Variants in SYT1 observed in about 807,000 individuals in gnomAD.
SYT1 encodes synaptotagmin-1.
A neutral mutation model predicts 44.8 loss-of-function variants in SYT1; 8 were observed. The ratio of observed to expected loss-of-function variants is 0.18; its 90% CI spans 0.10 to 0.32. SYT1 has a LOEUF of 0.32. Among genes scored for constraint, SYT1 ranks in the 10% least tolerant of loss-of-function variants. SYT1 has a pLI of 1.00. For missense variants in SYT1, 286 were observed against 509.3 expected (o/e 0.56, Z 4.22); for synonymous variants, 154 against 188.8 (o/e 0.82, Z 1.51).
At chr12:79,218,639 T>G (rs988068468) in intron 4 of SYT1, among the ~76,000 whole-genome samples, 1 of 152,194 alleles carries the variant, frequency 6.6e-6, no homozygotes, top group Admixed American at 6.5e-5. Context: ...TTATGTCCTG[T>G]GCCTGGATTA....
chr12:78,899,769 A>G (rs541797662), intron 1 of SYT1, among the ~76,000 whole-genome samples: 1 of 152,012 alleles, frequency 6.6e-6, no homozygotes, highest in Non-Finnish European at 1.5e-5. Context: ...TCTCTAATAC[A>G]CTTAGTTCAA....
At chr12:79,017,781 A>G (rs1288094566) in intron 2 of SYT1, among the ~76,000 whole-genome samples, 1 of 152,130 alleles carries the variant, frequency 6.6e-6, no homozygotes, top group East Asian at 1.9e-4. Flanking sequence ...TTGTACTTTG[A>G]TAAAATGTCT....
At chr12:79,391,056 A>G (rs1884637568) in intron 9 of SYT1, among the ~76,000 whole-genome samples, 1 of 152,160 alleles carries the variant, frequency 6.6e-6, no homozygotes, top group South Asian at 2.1e-4. Flanking sequence ...ACTTTGGGAA[A>G]GCTGCTTAAC....
At chr12:79,305,334 C>T (rs1421915299) in intron 8 of SYT1, among the ~76,000 whole-genome samples, 2 of 152,174 alleles carry the variant, frequency 1.3e-5, no homozygotes, top group Non-Finnish European at 2.9e-5. Flanking sequence ...TGGCTACCTT[C>T]CATTGTTCTC....
At chr12:78,885,232 C>A in intron 1 of SYT1, among the ~76,000 whole-genome samples, 1 of 138,212 alleles carries the variant, frequency 7.2e-6, no homozygotes, top group Non-Finnish European at 1.5e-5. Flanking sequence ...GGAAGGAAGG[C>A]AGGAAGGGAA....
intron 9 of SYT1, among the ~76,000 whole-genome samples, chr12:79,415,165 A>G (rs1051250096): frequency 6.6e-6 from 1 of 152,166 alleles, no homozygotes; most frequent in African/African-American, 2.4e-5. Flanking sequence ...GTAAAAACAG[A>G]CCAGAAGTAT....
chr12:79,366,164 A>G (rs73152064), intron 9 of SYT1, among the ~76,000 whole-genome samples: 10,166 of 152,328 alleles, frequency 0.067, 466 homozygotes, highest in Non-Finnish European at 0.094. Context: ...ATTGCAAATG[A>G]AACTAGCCTA....
At chr12:78,873,741 T>A (rs1022974299) in intron 1 of SYT1, among the ~76,000 whole-genome samples, 3 of 151,700 alleles carry the variant, frequency 2.0e-5, no homozygotes, top group African/African-American at 7.2e-5. Flanking sequence ...AGTTGTTGAA[T>A]CTATTGATAC....
intron 1 of SYT1, among the ~76,000 whole-genome samples, chr12:78,963,796 T>C (rs1879635927): frequency 6.6e-6 from 1 of 152,148 alleles, no homozygotes; most frequent in Admixed American, 6.5e-5. Flanking sequence ...AGTGCTATTA[T>C]ATGATTCAGT....
rs141555413 is a variant in SYT1, at chr12:79,034,585, C to G, written c.-83-12712C>G. ...TGTAAATAGAGATAATTAACGCCTA[C>G]TGAACAATTTCCTTGTGAAGCTGAA... On this transcript the variant is annotated intron_variant, in intron 2 of 10. Coordinates refer to ENST00000261205, the MANE Select transcript of SYT1 (RefSeq NM_005639.3). Among the ~76,000 whole-genome samples, 3 of 151,816 alleles carry G rather than the reference C, an allele frequency of 2.0e-5. No individual in the cohort carries two copies. In the East Asian group the frequency reaches 5.8e-4, roughly 30 times the overall value.
At chr12:79,012,027 G>A (rs1871440987) in intron 2 of SYT1, among the ~76,000 whole-genome samples, 1 of 151,770 alleles carries the variant, frequency 6.6e-6, no homozygotes, top group African/African-American at 2.4e-5. Context: ...AGCTACTCGG[G>A]AGGCTGAGGC....
chr12:79,263,206 C>T (rs1030189468), intron 4 of SYT1, among the ~76,000 whole-genome samples: 3 of 151,572 alleles, frequency 2.0e-5, no homozygotes, highest in Admixed American at 1.3e-4. Flanking sequence ...TAAGCTTTTT[C>T]AATAGGAGAT....
At chr12:79,424,228 G>A (rs1041041450) in intron 9 of SYT1, among the ~76,000 whole-genome samples, 30 of 151,964 alleles carry the variant, frequency 2.0e-4, no homozygotes, top group African/African-American at 7.2e-4. Context: ...GCTGGTTACC[G>A]TGGAGATGAT....
intron 2 of SYT1, among the ~76,000 whole-genome samples, chr12:79,039,205 G>A (rs1873345206): frequency 6.6e-6 from 1 of 151,848 alleles, no homozygotes; most frequent in Non-Finnish European, 1.5e-5. Context: ...TGTCAAGCCT[G>A]TTTCTAAAAC....
chr12:79,159,203 G>A lies in SYT1; in HGVS notation c.-17-58300G>A, dbSNP rs143402928. 1.2e-3 allele frequency among the ~76,000 whole-genome samples: 179 copies of A among 152,286 alleles called. 2 individuals are homozygous for A. The highest frequency in any genetic ancestry group is 4.0e-3 in the African/African-American group (166 of 41,584). ...GAACAGTAAGGTGGAGCATAGGCTG[G>A]TGGATTCTCTCCAAATTATAGAAAA... is the stretch of plus-strand genomic sequence containing the variant. On this transcript the variant is annotated intron_variant, in intron 3 of 10. Coordinates refer to ENST00000261205, the MANE Select transcript of SYT1 (RefSeq NM_005639.3).
intron 1 of SYT1, among the ~76,000 whole-genome samples, chr12:78,903,670 A>C (rs914275673): frequency 2.2e-4 from 33 of 152,216 alleles, no homozygotes; most frequent in African/African-American, 7.5e-4. Flanking sequence ...GCATTCTATA[A>C]AAAGGTTTTC....
At chr12:79,210,783 C>T (rs1426963685) in intron 3 of SYT1, among the ~76,000 whole-genome samples, 1 of 152,144 alleles carries the variant, frequency 6.6e-6, no homozygotes, top group Non-Finnish European at 1.5e-5. Context: ...ATTGCTGGAT[C>T]AAATTCTAGT....
rs538783018 is a variant in SYT1, at chr12:79,317,375, C to T, written c.810+17824C>T. ...GCCAACCATATCTCCACTCTTCTTA[C>T]TTTTTGCTCTACTTTAAATGTCTCT... On this transcript the variant is annotated intron_variant, in intron 8 of 10. Coordinates refer to ENST00000261205, the MANE Select transcript of SYT1 (RefSeq NM_005639.3). 2.0e-5 allele frequency among the ~76,000 whole-genome samples: 3 copies of T among 152,350 alleles called. No homozygotes were observed. In the South Asian group the frequency reaches 6.2e-4, roughly 32 times the overall value.
intron 9 of SYT1, among the ~76,000 whole-genome samples, chr12:79,420,553 A>C (rs1308299702): frequency 3.3e-5 from 5 of 152,132 alleles, no homozygotes; most frequent in African/African-American, 9.7e-5. Flanking sequence ...CAGCTTTTTC[A>C]TTCCACATTC....
Sources: allele counts gnomAD v4.1 joint callset (sites outside exome capture counted in the v4.1 genomes callset), GRCh38; gene constraint gnomAD v4.1.1; transcripts MANE v1.5; gene names NCBI Gene and HGNC (gene_info 2026-07-23, HGNC 2026-07-21).